The following FLII variants were observed in gnomAD, a reference collection of about 807,000 sequenced individuals.
FLII encodes protein flightless-1 homolog.
FLII carries 101 observed loss-of-function variants against 156.2 expected under a neutral mutation model. That is an observed-to-expected ratio of 0.65 (90% CI 0.55 to 0.76). FLII has a LOEUF of 0.76. Among genes scored for constraint, FLII ranks in the 30% least tolerant of loss-of-function variants. FLII has a pLI of 0.00. For synonymous variants in FLII, 767 were observed against 685.8 expected (o/e 1.12, Z -1.85); for missense variants, 1,675 against 1,682.8 (o/e 1.00, Z 0.08).
At chr17:18,245,489 A>T in intron 28 of FLII, 66 bp downstream of exon 28, 2 of 1,612,074 alleles carry the variant, frequency 1.2e-6, no homozygotes, top group Non-Finnish European at 1.7e-6. Context: ...TGGCCCGAGA[A>T]TTCCCATTTG....
intron 1 of FLII, 183 bp from the exon 2 acceptor site, chr17:18,257,202 C>A: frequency 3.6e-6 from 2 of 551,348 alleles, no homozygotes; most frequent in South Asian, 2.3e-5. Flanking sequence ...TTTAAGCCCC[C>A]CCGTGACAAA....
chr17:18,251,723 T>C lies in FLII; in HGVS notation c.1340A>G (p.Lys447Arg). The change falls in exon 12 of 30, where the codon AAG becomes AGG. Residue 447 changes from lysine to arginine, a missense_variant. By Grantham distance (26) the Lys-to-Arg change is conservative (BLOSUM62 2). Transcript: ENST00000327031. ...CTCCTGGGCAACATCTGACATGCCCTTCAGCACCTGCTTGGCCTGGTCATC... is the reference window on the plus strand; with the variant it reads ...CTCCTGGGCAACATCTGACATGCCCCTCAGCACCTGCTTGGCCTGGTCATC... The part of the protein sequence containing the change: ...AQDDQAKQVL[K>R]GMSDVAQEKN... 6.2e-7 allele frequency: 1 copy of C among 1,614,070 alleles called. No individual in the cohort carries two copies. Among genetic ancestry groups the C allele is most frequent in the Non-Finnish European group, 8.5e-7 (1 of 1,180,028 alleles).
chr17:18,251,947 T>C, intron 11 of FLII, 52 bp downstream of exon 11: 2 of 1,603,828 alleles, frequency 1.2e-6, no homozygotes, highest in South Asian at 2.2e-5. Flanking sequence ...GATGTGTCAT[T>C]TGAGGCCTGG....
rs764627492 is a variant in FLII, at chr17:18,245,147, G to GGCCTT, written c.3796_3800dup (p.Leu1268ArgfsTer26). 1.2e-4 allele frequency: 192 copies of GGCCTT among 1,612,620 alleles called. No homozygotes were observed. The highest frequency in any genetic ancestry group is 3.3e-4 in the Middle Eastern group (2 of 6,070). The stretch of plus-strand genomic sequence containing the variant: ...GCTGTGCCAGCCTGTCTTAGGCCAG[G>GGCCTT]GCCTTGCAGAAGGCGCTCCAGGCGT... On this transcript the variant is annotated frameshift_variant, in exon 30 of 30. Transcript: ENST00000327031. LOFTEE classifies it high-confidence loss of function.
At chr17:18,254,340 A>G (rs975506835) in intron 6 of FLII, among the ~76,000 whole-genome samples, 158 bp from the exon 7 acceptor site, 1 of 152,040 alleles carries the variant, frequency 6.6e-6, no homozygotes, top group African/African-American at 2.4e-5. Context: ...GGGGTGTGTA[A>G]GCGGGAAGAC....
At chr17:18,253,975 C>T (rs1011954704) in intron 7 of FLII, 104 bp downstream of exon 7, 2 of 881,606 alleles carry the variant, frequency 2.3e-6, no homozygotes, top group African/African-American at 1.7e-5. Flanking sequence ...AGCCTTTTCC[C>T]TCTGGGTATT....
At chr17:18,257,394 C>T (rs953564833) in intron 1 of FLII, 1 of 229,598 alleles carries the variant, frequency 4.4e-6, no homozygotes, top group East Asian at 1.2e-4. Flanking sequence ...CCTTCCAAGC[C>T]TTTGCAAAGG....
rs553279832 is a variant in FLII at position 18,256,440 on chromosome 17, CA to C, written c.246+85del. ...ACGGAGGTGGGCAGAAATGCTGGCC[CA>C]GCTTGGTGTCTAGCCCAGGCTTCAC... On this transcript the variant is annotated intron_variant, in intron 3 of 29. Transcript: ENST00000327031. 524 of 1,090,296 alleles carry C rather than the reference CA, an allele frequency of 4.8e-4. 1 individual carries two copies. In the African/African-American group the frequency reaches 6.7e-3, roughly 14 times the overall value. The allele number at this position is 1,090,296 out of a possible 1,614,324, so 67.5% of individuals were successfully genotyped here.
In FLII at chr17:18,245,753, C is replaced by A; in HGVS notation, c.3494G>T (p.Arg1165Leu). 1 of 1,613,860 alleles carries A rather than the reference C, an allele frequency of 6.2e-7. No homozygotes were observed. Among genetic ancestry groups the A allele is most frequent in the Non-Finnish European group, 8.5e-7 (1 of 1,179,860 alleles). Residue 1165 changes from arginine (R) to leucine (L), a missense_variant, in exon 27 of 30, where the codon CGT (arginine) becomes CTT (leucine). By Grantham distance (102) the Arg-to-Leu change is moderately radical. This residue lies in a region of FLII where 1,332 missense variants were observed against 1,269.3 expected (regional missense o/e 1.05). Transcript: ENST00000327031. Reference protein sequence around the residue: ...DDDAEYMKHTRLFRCSNEKGY... With the variant: ...DDDAEYMKHTLLFRCSNEKGY... ...AGGGCCCTGGCCTCACCGGAAGAGACGTGTGTGTTTCATGTACTCGGCATC... is the reference window on the plus strand; with the variant it reads ...AGGGCCCTGGCCTCACCGGAAGAGAAGTGTGTGTTTCATGTACTCGGCATC...
rs367717194 is a variant in FLII, at chr17:18,250,852, C to T, written c.1762G>A (p.Glu588Lys). 9.8e-5 allele frequency: 158 copies of T among 1,612,888 alleles called. No individual in the cohort carries two copies. The highest frequency in any genetic ancestry group is 4.9e-4 in the Middle Eastern group (3 of 6,070). Residue 588 changes from glutamate to lysine, a missense_variant, in exon 14 of 30, where the codon GAG becomes AAG. Transcript: ENST00000327031. ...TVREEMGDESEEFLQVFDNDI... is the reference protein window; with the variant it reads ...TVREEMGDESKEFLQVFDNDI... The stretch of plus-strand genomic sequence containing the variant: ...CGGGCTGGCACCTGCAGGAACTCCT[C>T]GCTCTCATCGCCCATCTCCTCCCGG...
rs1258976101 is a variant in FLII at position 18,253,891 on chromosome 17, CG to C, written c.680-173del. 7.5e-6 allele frequency: 6 copies of C among 801,206 alleles called. No homozygotes were observed. In the East Asian group the frequency reaches 1.6e-4, roughly 22 times the overall value. The allele number at this position is 801,206 out of a possible 1,614,324, so 49.6% of individuals were successfully genotyped here. A position where few individuals can be genotyped will look rare whatever the true frequency, so the allele number is the denominator to read the frequency against. On this transcript the variant is annotated intron_variant, in intron 7 of 29. Transcript: ENST00000327031. Reference sequence around the variant, plus strand: ...GACAAACTCCCTCACATGGGGGTTGCGGGGGAGTTTTCTAGGCATAAAGTCA... The same window carrying C: ...GACAAACTCCCTCACATGGGGGTTGCGGGGAGTTTTCTAGGCATAAAGTCA...
intron 3 of FLII, 67 bp from the exon 4 acceptor site, chr17:18,255,330 A>G: frequency 7.6e-7 from 1 of 1,313,692 alleles, no homozygotes. Context: ...GAGTCTAGAG[A>G]GGGACACCTC....
chr17:18,254,518 C>T lies in FLII; in HGVS notation c.575+3G>A. 2 of 1,607,234 alleles carry T rather than the reference C, an allele frequency of 1.2e-6. No homozygotes were observed. Among genetic ancestry groups the T allele is most frequent in the Admixed American group, 1.7e-5 (1 of 59,256 alleles). ...CAGGAGTGCGGTCCGAGGGGGCGCC[C>T]ACCGGAGCTGTGCATGCAGCAGGGG... On this transcript the variant is annotated splice_donor_region_variant and intron_variant, in intron 6 of 29. Transcript: ENST00000327031.
Position 18,253,538 on chromosome 17 carries a change from ACGCACGGGCAGTGAGGTGAGCT to A in FLII, c.839_855+5del. The A allele has an allele frequency of 6.2e-7, 1 of 1,612,980 alleles. No individual in the cohort carries two copies. The highest frequency in any genetic ancestry group is 1.1e-5 in the South Asian group (1 of 91,078). ...CCCATCCCCCTACTGAGGGCCTCAG[ACGCACGGGCAGTGAGGTGAGCT>A]GATTTCGGGACAGGTTCAGAGTTTC... On this transcript the variant is annotated splice_donor_variant and splice_donor_5th_base_variant and coding_sequence_variant and intron_variant, in exon 8 of 30. Coordinates refer to ENST00000327031, the MANE Select transcript of FLII (RefSeq NM_002018.4). LOFTEE classifies it high-confidence loss of function.
At position 18,249,142 on chromosome 17, in the gene FLII, G is replaced by C. The variant is rs1597906612; in HGVS notation, c.1919C>G (p.Thr640Ser). Residue 640 changes from threonine (T) to serine (S), a missense_variant, in exon 16 of 30, where the codon ACC (threonine) becomes AGC (serine). Physicochemically the swap from Thr to Ser is moderately conservative, Grantham distance 58 (BLOSUM62 1). Coordinates refer to ENST00000327031, the MANE Select transcript of FLII (RefSeq NM_002018.4). ...TGGGGCTCACCTTGGGTCCAGAGAG[G>C]TCCCCTTGAGGGGCACAGGCTCCAA... ...IKLEPVPLKG[T>S]SLDPRFVFLL... 2.5e-6 allele frequency: 4 copies of C among 1,614,004 alleles called. No individual in the cohort carries two copies. The South Asian group carries it at 3.3e-5, about 13-fold the overall frequency.
At chr17:18,245,720 G>A (rs780856082) in intron 27 of FLII, 24 bp downstream of exon 27, 2 of 1,609,264 alleles carry the variant, frequency 1.2e-6, no homozygotes, top group Non-Finnish European at 1.7e-6. Flanking sequence ...AGGACTGAGG[G>A]GAGGGTCAGG....
Position 18,248,812 on chromosome 17 carries a change from G to C in FLII, c.2006C>G (p.Thr669Ser). 6.2e-7 allele frequency: 1 copy of C among 1,613,932 alleles called. No homozygotes were observed. The highest frequency in any genetic ancestry group is 8.5e-7 in the Non-Finnish European group (1 of 1,179,940). ...WRGAQATLSS[T>S]TKARLFAEKI... is the part of the protein sequence containing the mutation. ...GGTGTCCTTGTACCTGGCCTTGGTGGTGCTGCTCAGTGTGGCCTGGGCCCC... is the reference window on the plus strand; with the variant it reads ...GGTGTCCTTGTACCTGGCCTTGGTGCTGCTGCTCAGTGTGGCCTGGGCCCC... Residue 669 changes from threonine (T) to serine (S), a missense_variant, in exon 17 of 30, where the codon ACC (threonine) becomes AGC (serine). Transcript: ENST00000327031.
intron 21 of FLII, 32 bp from the exon 22 acceptor site, chr17:18,247,084 G>A: frequency 1.2e-6 from 2 of 1,603,224 alleles, no homozygotes; most frequent in African/African-American, 1.3e-5. Flanking sequence ...CCCGCGGCAG[G>A]TCTGAGCGCG....
In FLII at chr17:18,258,722, C is replaced by A. The variant is rs937616474; in HGVS notation, c.-32G>T. ...GCTCTCGCTGCCGGGCCGCGCCGGG[C>A]TAGGGAGCGCCGGGGCGAGGGCGCT... On this transcript the variant is annotated 5_prime_UTR_variant, in exon 1 of 30. Coordinates refer to ENST00000327031, the MANE Select transcript of FLII (RefSeq NM_002018.4). The surrounding 1 kb of genome is among the most constrained non-coding windows in gnomAD (Gnocchi z 4.2). 1.1e-5 allele frequency: 16 copies of A among 1,399,112 alleles called. No homozygotes were observed. In the Admixed American group the frequency reaches 3.6e-4, roughly 32 times the overall value. 86.7% of individuals were successfully genotyped at this position (1,399,112 alleles called of 1,614,324 possible).
Sources: gnomAD v4.1 joint callset for allele counts (sites outside exome capture counted in the v4.1 genomes callset) on GRCh38, gnomAD v4.1.1 for gene constraint, gnomAD v4.1.1 regional missense constraint, Gnocchi (gnomAD v3.1) non-coding constraint, MANE v1.5 for transcripts, NCBI Gene and HGNC (gene_info 2026-07-23, HGNC 2026-07-21) for gene names.